TBC1D32: variants seen among roughly 807,000 people sequenced by gnomAD.
The protein encoded by TBC1D32 is protein broad-minded.
In TBC1D32, 151 loss-of-function variants were observed where a neutral mutation model predicts 170.3. The ratio of observed to expected loss-of-function variants is 0.89; its 90% CI spans 0.78 to 1.01. The LOEUF (loss-of-function observed/expected upper bound fraction) is 1.01. Ranked by LOEUF, TBC1D32 falls within the 50% of genes least tolerant of loss-of-function variation. The pLI is 0.00. For synonymous variants in TBC1D32, 498 were observed against 488.0 expected (o/e 1.02, Z -0.27); for missense variants, 1,464 against 1,457.1 (o/e 1.00, Z -0.08).
chr6:121,170,441 T>C (rs776834055), intron 22 of TBC1D32: 35 of 1,606,838 alleles, frequency 2.2e-5, no homozygotes, highest in Non-Finnish European at 3.0e-5. Context: ...ATTTTCTTCT[T>C]GAGCATTTAG....
intron 15 of TBC1D32, among the ~76,000 whole-genome samples, chr6:121,260,828 TGG>T (rs983584911): frequency 2.6e-5 from 4 of 152,044 alleles, no homozygotes; most frequent in African/African-American, 9.7e-5. Context: ...CTGAGCTCGC[TGG>T]GGGAGAGGCA....
chr6:121,210,613 G>A (rs1297453956), intron 21 of TBC1D32, among the ~76,000 whole-genome samples: 1 of 152,182 alleles, frequency 6.6e-6, no homozygotes, highest in South Asian at 2.1e-4. Context: ...TGCAAGCACT[G>A]CTGTGAAGGA....
At chr6:121,102,078 G>A (rs917886854) in intron 30 of TBC1D32, among the ~76,000 whole-genome samples, 4 of 152,030 alleles carry the variant, frequency 2.6e-5, no homozygotes, top group African/African-American at 9.7e-5. Flanking sequence ...ACTACTCAAC[G>A]AAATAAAAGA....
intron 12 of TBC1D32, among the ~76,000 whole-genome samples, chr6:121,285,481 C>T (rs146926978): frequency 4.6e-5 from 7 of 152,260 alleles, no homozygotes; most frequent in Admixed American, 1.3e-4. Context: ...CCACACTCTA[C>T]CTAGCACATG....
At chr6:121,139,296 A>T (rs1200949346) in intron 24 of TBC1D32, among the ~76,000 whole-genome samples, 1 of 152,208 alleles carries the variant, frequency 6.6e-6, no homozygotes, top group African/African-American at 2.4e-5. Flanking sequence ...GGCAATTTTC[A>T]TTATTTTATC....
chr6:121,331,689 G>GA (rs946342884), intron 1 of TBC1D32, among the ~76,000 whole-genome samples: 1 of 152,164 alleles, frequency 6.6e-6, no homozygotes, highest in African/African-American at 2.4e-5. Flanking sequence ...AGTGTTGAAG[G>GA]AGAGTCAGGT....
At chr6:121,157,935 T>C (rs905311303) in intron 24 of TBC1D32, among the ~76,000 whole-genome samples, 2 of 152,098 alleles carry the variant, frequency 1.3e-5, no homozygotes, top group African/African-American at 4.8e-5. Flanking sequence ...GCCTTTAAGT[T>C]TTTTCTTTTG....
intron 3 of TBC1D32, among the ~76,000 whole-genome samples, chr6:121,312,226 G>A (rs1338819450): frequency 2.0e-5 from 3 of 152,094 alleles, no homozygotes; most frequent in African/African-American, 7.2e-5. Context: ...AGAGCATTAG[G>A]ACAAATACCA....
intron 11 of TBC1D32, among the ~76,000 whole-genome samples, chr6:121,294,108 G>A (rs1057445248): frequency 5.9e-5 from 9 of 152,000 alleles, no homozygotes; most frequent in African/African-American, 1.9e-4. Flanking sequence ...GCCAGATTAC[G>A]AAGCATCCAA....
chr6:121,115,044 C>T (rs547958881), intron 27 of TBC1D32, 128 bp downstream of exon 27: 11 of 595,282 alleles, frequency 1.8e-5, no homozygotes, highest in African/African-American at 7.6e-5. Flanking sequence ...AGTCATTTTC[C>T]GAATGATAAA....
At chr6:121,328,308 C>T (rs941213447) in intron 1 of TBC1D32, among the ~76,000 whole-genome samples, 3 of 151,414 alleles carry the variant, frequency 2.0e-5, no homozygotes, top group Admixed American at 6.6e-5. Context: ...TTTTTTGTGA[C>T]GGAGTCTCGC....
intron 24 of TBC1D32, among the ~76,000 whole-genome samples, chr6:121,142,786 A>G (rs529616750): frequency 4.1e-4 from 63 of 152,338 alleles, no homozygotes; most frequent in Middle Eastern, 3.4e-3. Flanking sequence ...GGACTAGCCA[A>G]TGGGGTAATA....
intron 1 of TBC1D32, among the ~76,000 whole-genome samples, chr6:121,333,275 A>C (rs961809163): frequency 1.1e-4 from 16 of 152,158 alleles, no homozygotes; most frequent in Admixed American, 6.5e-5. Flanking sequence ...TAGACTTGTA[A>C]ATTCAGAGGC....
rs1003059639 is a variant in TBC1D32 at position 121,322,625 on chromosome 6, T to C, written c.156-831A>G. Among the ~76,000 whole-genome samples the C allele has an allele frequency of 7.2e-5, 11 of 152,228 alleles. No homozygotes were observed. In the East Asian group the frequency reaches 9.6e-4, roughly 13 times the overall value. ...CAAAACATTTTCTTGGATGCAGTTA[T>C]ATGACCTGCTTTATCCCCTGCTTCA... On this transcript the variant is annotated intron_variant, in intron 1 of 31. Coordinates refer to ENST00000398212, the MANE Select transcript of TBC1D32 (RefSeq NM_152730.6).
At chr6:121,191,237 C>G (rs969221723) in intron 22 of TBC1D32, among the ~76,000 whole-genome samples, 8 of 152,090 alleles carry the variant, frequency 5.3e-5, no homozygotes, top group Non-Finnish European at 1.0e-4. Flanking sequence ...TCTTACTTAA[C>G]CAAACACATT....
At chr6:121,111,255 T>G (rs570559762) in intron 29 of TBC1D32, among the ~76,000 whole-genome samples, 30 of 152,302 alleles carry the variant, frequency 2.0e-4, no homozygotes, top group Middle Eastern at 3.4e-3. Flanking sequence ...TAAATGCAAC[T>G]TTACAAAATT....
Position 121,239,210 on chromosome 6 carries a change from A to C in TBC1D32, c.2246-22T>G, listed in dbSNP as rs375395947. On this transcript the variant is annotated intron_variant, in intron 19 of 31. Transcript: ENST00000398212. ...AACCCTAAAAAGAATTATTACTTCA[A>C]GTCATTTATAGCATAATATTTCTTT... 3.8e-6 allele frequency: 5 copies of C among 1,325,462 alleles called. No homozygotes were observed. The African/African-American group carries it at 7.2e-5, about 19-fold the overall frequency. The allele number at this position is 1,325,462 out of a possible 1,614,324, so 82.1% of individuals were successfully genotyped here.
At chr6:121,180,765 A>G (rs957651265) in intron 22 of TBC1D32, among the ~76,000 whole-genome samples, 1 of 152,158 alleles carries the variant, frequency 6.6e-6, no homozygotes, top group Non-Finnish European at 1.5e-5. Flanking sequence ...TCTGTGCAGT[A>G]AAGAAAACAG....
At chr6:121,107,493 A>G (rs1778806457) in intron 29 of TBC1D32, among the ~76,000 whole-genome samples, 1 of 151,994 alleles carries the variant, frequency 6.6e-6, no homozygotes. Flanking sequence ...AGCATAGCAC[A>G]GTAAATGGAT....
Sources: allele counts gnomAD v4.1 joint callset (sites outside exome capture counted in the v4.1 genomes callset), GRCh38; gene constraint gnomAD v4.1.1; transcripts MANE v1.5; gene names NCBI Gene and HGNC (gene_info 2026-07-23, HGNC 2026-07-21).